KBTBD11: variants seen among roughly 807,000 people sequenced by gnomAD.
KBTBD11 encodes the protein kelch repeat and BTB domain containing 11, also known as kelch repeat and BTB domain-containing protein 11.
For missense variants in KBTBD11, 1,390 were observed against 1,001.8 expected, an observed-to-expected ratio of 1.39 and a Z score of -5.23; for synonymous variants, 747 against 499.0, an observed-to-expected ratio of 1.50 and a Z score of -6.63.
At chr8:1,995,358 A>G (rs1253225853) in intron 1 of KBTBD11, among the ~76,000 whole-genome samples, 11 of 152,140 alleles carry the variant, frequency 7.2e-5, no homozygotes, top group Admixed American at 6.5e-4. Context: ...ACAGCACAGA[A>G]CCTTGCTTTT....
Position 2,006,806 on chromosome 8 carries a change from C to G in KBTBD11, c.*3742C>G, listed in dbSNP as rs1451782019. On this transcript the variant is annotated 3_prime_UTR_variant, in exon 2 of 2. Coordinates refer to ENST00000320248, the MANE Select transcript of KBTBD11 (RefSeq NM_014867.3). ...CTGTTGAAGGCCAAGTTCAGGGCAG[C>G]TGTTGTGATCTGTGTAGTTAATGTA... 1 of 167,096 alleles carries G rather than the reference C, an allele frequency of 6.0e-6. No individual in the cohort carries two copies. The highest frequency in any genetic ancestry group is 2.4e-5 in the African/African-American group (1 of 41,450). The allele number at this position is 167,096 out of a possible 1,614,324, so 10.4% of individuals were successfully genotyped here. A position where few individuals can be genotyped will look rare whatever the true frequency, so the allele number is the denominator to read the frequency against.
At chr8:1,981,000 A>G (rs1379139712) in intron 1 of KBTBD11, among the ~76,000 whole-genome samples, 1 of 152,196 alleles carries the variant, frequency 6.6e-6, no homozygotes, top group African/African-American at 2.4e-5. Flanking sequence ...ACAGGGCAAA[A>G]TAGTAACAAG....
chr8:2,002,384 C>G lies in KBTBD11; in HGVS notation c.1192C>G (p.Leu398Val), dbSNP rs1817414049. Reference sequence around the variant, plus strand: ...GGACAGCTGGAGCGCCGTGAGGCCCCTGCGCCAGGCGCGCTCGCAGCTGCG... The same window carrying G: ...GGACAGCTGGAGCGCCGTGAGGCCCGTGCGCCAGGCGCGCTCGCAGCTGCG... ...ATDSWSAVRP[L>V]RQARSQLRLL... Residue 398 changes from leucine (L) to valine (V), a missense_variant, in exon 2 of 2, where the codon CTG (leucine) becomes GTG (valine). Coordinates refer to ENST00000320248, the MANE Select transcript of KBTBD11 (RefSeq NM_014867.3). This position sits in a 1 kb window ranked among gnomAD's most constrained non-coding sequence, Gnocchi z 4.1. 6.8e-7 allele frequency: 1 copy of G among 1,480,028 alleles called. No homozygotes were observed. Among genetic ancestry groups the G allele is most frequent in the South Asian group, 1.3e-5 (1 of 79,338 alleles). The allele number at this position is 1,480,028 out of a possible 1,614,324, so 91.7% of individuals were successfully genotyped here.
intron 1 of KBTBD11, among the ~76,000 whole-genome samples, chr8:1,989,514 G>A (rs896019585): frequency 1.3e-5 from 2 of 152,162 alleles, no homozygotes; most frequent in African/African-American, 4.8e-5. Flanking sequence ...GTGTATCGTC[G>A]TGTCAGCAAT....
intron 1 of KBTBD11, among the ~76,000 whole-genome samples, chr8:2,000,060 C>T (rs1175788246): frequency 6.6e-6 from 1 of 152,116 alleles, no homozygotes; most frequent in East Asian, 1.9e-4. Context: ...CCTGAGTCCT[C>T]AAAATCAGGA....
rs150179840 is a variant in KBTBD11, at chr8:1,991,653, G to A, written c.-908-8632G>A. Among the ~76,000 whole-genome samples, 805 of 152,170 alleles carry A rather than the reference G, an allele frequency of 5.3e-3. 10 individuals are homozygous for A. The highest frequency in any genetic ancestry group is 0.018 in the African/African-American group (766 of 41,446). ...GTCAGAAGAGCTCAGGGTATCTTGT[G>A]GGCAATGAGCTGTGACCTGCCCAGC... On this transcript the variant is annotated intron_variant, in intron 1 of 1. Coordinates refer to ENST00000320248, the MANE Select transcript of KBTBD11 (RefSeq NM_014867.3).
At chr8:1,977,441 ACT>A (rs1816385661) in intron 1 of KBTBD11, among the ~76,000 whole-genome samples, 1 of 151,414 alleles carries the variant, frequency 6.6e-6, no homozygotes, top group Admixed American at 6.6e-5. Flanking sequence ...TCATGCTTGG[ACT>A]CCTGCAGTAG....
At chr8:1,991,455 C>T (rs1816913350) in intron 1 of KBTBD11, among the ~76,000 whole-genome samples, 1 of 152,250 alleles carries the variant, frequency 6.6e-6, no homozygotes, top group African/African-American at 2.4e-5. Context: ...TCTCACTCTC[C>T]TGTCCTCTTC....
At position 2,001,147 on chromosome 8, in the gene KBTBD11, G is replaced by C. The variant is rs922850410; in HGVS notation, c.-46G>C. On this transcript the variant is annotated 5_prime_UTR_variant, in exon 2 of 2. Coordinates refer to ENST00000320248, the MANE Select transcript of KBTBD11 (RefSeq NM_014867.3). ...GGCTCGACCTTGGCCAGACCTGCAG[G>C]CTGCGGAACCGGGGGCGCGCGGGCG... 6 of 1,293,324 alleles carry C rather than the reference G, an allele frequency of 4.6e-6. No individual in the cohort carries two copies. Among genetic ancestry groups the C allele is most frequent in the Non-Finnish European group, 5.9e-6 (6 of 1,021,482 alleles). The allele number at this position is 1,293,324 out of a possible 1,614,324, so 80.1% of individuals were successfully genotyped here.
At position 2,002,875 on chromosome 8, in the gene KBTBD11, C is replaced by T; in HGVS notation, c.1683C>T (p.Ala561=). 5.2e-6 allele frequency: 7 copies of T among 1,346,284 alleles called. No homozygotes were observed. The highest frequency in any genetic ancestry group is 1.8e-5 in the South Asian group (1 of 54,528). The allele number at this position is 1,346,284 out of a possible 1,614,324, so 83.4% of individuals were successfully genotyped here. A position where few individuals can be genotyped will look rare whatever the true frequency, so the allele number is the denominator to read the frequency against. Residue 561 remains alanine (A), a synonymous_variant, in exon 2 of 2, where the codon GCC becomes GCT. Transcript: ENST00000320248. The surrounding 1 kb of genome is among the most constrained non-coding windows in gnomAD (Gnocchi z 4.1). ...TCCGCTGCGCCGCCCTGGACGGCGC[C>T]ATCTACTGCGTGAGCCGCGCGGGCA... ...QPFRCAALDG[A]IYCVSRAGTW...
At chr8:1,982,697 A>G (rs1188794478) in intron 1 of KBTBD11, among the ~76,000 whole-genome samples, 1 of 152,172 alleles carries the variant, frequency 6.6e-6, no homozygotes, top group Non-Finnish European at 1.5e-5. Flanking sequence ...TATAATGCCA[A>G]AGGGGCCAAT....
At chr8:1,984,198 G>A (rs573813890) in intron 1 of KBTBD11, among the ~76,000 whole-genome samples, 7 of 152,174 alleles carry the variant, frequency 4.6e-5, no homozygotes, top group African/African-American at 1.7e-4. Flanking sequence ...AACACTTTGG[G>A]AGGCCGAGGT....
At chr8:1,990,727 CGG>C in intron 1 of KBTBD11, among the ~76,000 whole-genome samples, 1 of 31,458 alleles carries the variant, frequency 3.2e-5, no homozygotes, top group African/African-American at 8.8e-5. Context: ...GCGCCCTGTC[CGG>C]GTAGGTGCTG....
Position 2,002,341 on chromosome 8 carries a change from C to G in KBTBD11, c.1149C>G (p.Phe383Leu). The change falls in exon 2 of 2, where the codon TTC becomes TTG. Residue 383 changes from phenylalanine to leucine, a missense_variant. By Grantham distance (22) the Phe-to-Leu change is conservative. Coordinates refer to ENST00000320248, the MANE Select transcript of KBTBD11 (RefSeq NM_014867.3). This position sits in a 1 kb window ranked among gnomAD's most constrained non-coding sequence, Gnocchi z 4.1. ...DGRARPSDQV[F>L]CYNPATDSWS... ...GCGCGCGCCCGTCCGACCAGGTCTTCTGCTACAACCCGGCCACGGACAGCT... is the reference window on the plus strand; with the variant it reads ...GCGCGCGCCCGTCCGACCAGGTCTTGTGCTACAACCCGGCCACGGACAGCT... 1 of 1,447,714 alleles carries G rather than the reference C, an allele frequency of 6.9e-7. No homozygotes were observed. The allele number at this position is 1,447,714 out of a possible 1,614,324, so 89.7% of individuals were successfully genotyped here.
chr8:1,994,739 T>C (rs1817067894), intron 1 of KBTBD11, among the ~76,000 whole-genome samples: 1 of 152,072 alleles, frequency 6.6e-6, no homozygotes, highest in South Asian at 2.1e-4. Flanking sequence ...GTCCAGCTGG[T>C]CTCTTAGGAT....
chr8:1,994,600 C>T (rs958669818), intron 1 of KBTBD11, among the ~76,000 whole-genome samples: 1 of 152,210 alleles, frequency 6.6e-6, no homozygotes, highest in African/African-American at 2.4e-5. Flanking sequence ...CACAACACCT[C>T]CCTCCCAGAA....
chr8:1,995,958 A>G (rs1244080739), intron 1 of KBTBD11, among the ~76,000 whole-genome samples: 1 of 152,140 alleles, frequency 6.6e-6, no homozygotes, highest in Non-Finnish European at 1.5e-5. Context: ...CCAGGAGTTG[A>G]AGCTGCAGTG....
At chr8:1,985,627 G>A (rs992814478) in intron 1 of KBTBD11, among the ~76,000 whole-genome samples, 43 of 152,236 alleles carry the variant, frequency 2.8e-4, no homozygotes, top group African/African-American at 1.0e-3. Flanking sequence ...CGCTACAGTC[G>A]TTAACTTCAA....
Position 2,002,419 on chromosome 8 carries a change from C to G in KBTBD11, c.1227C>G (p.Ala409=), listed in dbSNP as rs990681713. Reference sequence around the variant, plus strand: ...CGCGCTCGCAGCTGCGGCTGCTGGCCCTGGACGGTCACCTCTACGCCGTGG... The same window carrying G: ...CGCGCTCGCAGCTGCGGCTGCTGGCGCTGGACGGTCACCTCTACGCCGTGG... ...RQARSQLRLL[A]LDGHLYAVGG... The change falls in exon 2 of 2, where the codon GCC becomes GCG. Residue 409 remains alanine, a synonymous_variant. Transcript: ENST00000320248. The surrounding 1 kb of genome is among the most constrained non-coding windows in gnomAD (Gnocchi z 4.1). 12 of 1,492,898 alleles carry G rather than the reference C, an allele frequency of 8.0e-6. No individual in the cohort carries two copies. Among genetic ancestry groups the G allele is most frequent in the African/African-American group, 2.9e-5 (2 of 68,560 alleles). 92.5% of individuals were successfully genotyped at this position (1,492,898 alleles called of 1,614,324 possible).
Sources: allele counts gnomAD v4.1 joint callset (sites outside exome capture counted in the v4.1 genomes callset), GRCh38; gene constraint gnomAD v4.1.1; non-coding constraint Gnocchi (gnomAD v3.1); transcripts MANE v1.5; gene names NCBI Gene and HGNC (gene_info 2026-07-23, HGNC 2026-07-21).